EIPR1: variants seen among roughly 807,000 people sequenced by gnomAD.
EIPR1 encodes EARP complex and GARP complex interacting protein 1.
In EIPR1, 25 loss-of-function variants were observed where a neutral mutation model predicts 48.1. The observed-to-expected ratio is 0.52, with a 90% CI of 0.38 to 0.73. EIPR1 has a LOEUF of 0.73. EIPR1 is among the 30% of genes least tolerant of loss of function. The probability of loss-of-function intolerance (pLI) is 0.00; values close to 1 mark genes in which losing one functional copy is unlikely to be tolerated. For missense variants in EIPR1, 415 were observed against 506.2 expected (o/e 0.82, Z 1.73); for synonymous variants, 204 against 201.9 (o/e 1.01, Z -0.09).
At chr2:3,349,755 A>T (rs976089501) in intron 2 of EIPR1, among the ~76,000 whole-genome samples, 1 of 152,170 alleles carries the variant, frequency 6.6e-6, no homozygotes, top group African/African-American at 2.4e-5. Context: ...AGACAGGGCC[A>T]GAAAGCACAC....
intron 3 of EIPR1, among the ~76,000 whole-genome samples, chr2:3,316,903 T>A (rs1669319804): frequency 6.6e-6 from 1 of 152,236 alleles, no homozygotes; most frequent in Non-Finnish European, 1.5e-5. Context: ...GACCATGTGC[T>A]GTCAGGTACC....
intron 3 of EIPR1, among the ~76,000 whole-genome samples, chr2:3,294,842 C>G (rs1262047070): frequency 1.4e-5 from 2 of 144,362 alleles, no homozygotes; most frequent in African/African-American, 5.2e-5. Flanking sequence ...AGCCCATCCT[C>G]TCTCCACATA....
chr2:3,255,722 C>A (rs1425825432), intron 4 of EIPR1, among the ~76,000 whole-genome samples: 1 of 152,232 alleles, frequency 6.6e-6, no homozygotes, highest in Non-Finnish European at 1.5e-5. Context: ...ACATGCTAAC[C>A]TCCCTAACGT....
chr2:3,246,392 G>A lies in EIPR1; in HGVS notation c.416+10907C>T, dbSNP rs958601137. Among the ~76,000 whole-genome samples, 20 of 152,232 alleles carry A rather than the reference G, an allele frequency of 1.3e-4. No homozygotes were observed. In the South Asian group the frequency reaches 2.9e-3, roughly 22 times the overall value. On this transcript the variant is annotated intron_variant, in intron 4 of 8. Coordinates refer to ENST00000382125, the MANE Select transcript of EIPR1 (RefSeq NM_003310.5). ...GAACAAAATGCCCCCTGTGCCTGGCGGAGCCACACACACTGCTTTCCTTCC... is the reference window on the plus strand; with the variant it reads ...GAACAAAATGCCCCCTGTGCCTGGCAGAGCCACACACACTGCTTTCCTTCC...
At chr2:3,308,222 C>A (rs531250880) in intron 3 of EIPR1, among the ~76,000 whole-genome samples, 1 of 152,236 alleles carries the variant, frequency 6.6e-6, no homozygotes, top group Admixed American at 6.5e-5. Flanking sequence ...GAAATATGAC[C>A]CAGAGTTTCC....
chr2:3,279,056 C>T (rs1292311470), intron 3 of EIPR1, among the ~76,000 whole-genome samples: 2 of 152,182 alleles, frequency 1.3e-5, no homozygotes, highest in Non-Finnish European at 1.5e-5. Context: ...ACTCGACACC[C>T]ATGTTCTCAC....
At chr2:3,333,167 A>G (rs1325966867) in intron 3 of EIPR1, among the ~76,000 whole-genome samples, 1 of 152,236 alleles carries the variant, frequency 6.6e-6, no homozygotes, top group Non-Finnish European at 1.5e-5. Flanking sequence ...ATTTTAAAAA[A>G]TAAGTCACGA....
chr2:3,219,657 C>G (rs559240540), intron 4 of EIPR1, among the ~76,000 whole-genome samples: 3 of 107,522 alleles, frequency 2.8e-5, no homozygotes, highest in Admixed American at 9.7e-5. Context: ...CTGGTATATT[C>G]TAGAGCATTC....
At chr2:3,293,879 G>A (rs1370082972) in intron 3 of EIPR1, among the ~76,000 whole-genome samples, 1 of 152,148 alleles carries the variant, frequency 6.6e-6, no homozygotes, top group Non-Finnish European at 1.5e-5. Context: ...GTTCTGTGAA[G>A]CTACAGAAAC....
At chr2:3,199,969 C>G (rs1392760600) in intron 5 of EIPR1, among the ~76,000 whole-genome samples, 4 of 140,104 alleles carry the variant, frequency 2.9e-5, no homozygotes, top group Non-Finnish European at 6.2e-5. Context: ...GTGTCCACAT[C>G]TAGGTAGAGG....
chr2:3,234,627 T>C (rs1270487662), intron 4 of EIPR1, among the ~76,000 whole-genome samples: 1 of 152,258 alleles, frequency 6.6e-6, no homozygotes, highest in African/African-American at 2.4e-5. Context: ...TCACTCCTGT[T>C]GGGGTCCCCT....
intron 4 of EIPR1, among the ~76,000 whole-genome samples, chr2:3,248,643 G>A (rs1291412836): frequency 1.3e-5 from 2 of 152,176 alleles, no homozygotes; most frequent in African/African-American, 4.8e-5. Context: ...GTGGGCACCT[G>A]TAATCCCAGC....
At chr2:3,244,223 A>T (rs574778771) in intron 4 of EIPR1, among the ~76,000 whole-genome samples, 1 of 152,140 alleles carries the variant, frequency 6.6e-6, no homozygotes, top group African/African-American at 2.4e-5. Flanking sequence ...TCTAGGTAAA[A>T]TGTGCTGTCT....
At chr2:3,295,299 C>CT (rs1572407426) in intron 3 of EIPR1, among the ~76,000 whole-genome samples, 1 of 97,466 alleles carries the variant, frequency 1.0e-5, no homozygotes, top group Admixed American at 1.1e-4. Flanking sequence ...CGTCCTCTCT[C>CT]CACACACACC....
chr2:3,326,043 A>G (rs1230162004), intron 3 of EIPR1, among the ~76,000 whole-genome samples: 2 of 152,160 alleles, frequency 1.3e-5, no homozygotes, highest in African/African-American at 4.8e-5. Flanking sequence ...GCTGCTCCCC[A>G]GTGCAGAGGA....
rs117996501 is a variant in EIPR1 at position 3,237,782 on chromosome 2, C to T, written c.416+19517G>A. ...AGCCTTGGTTTCCGCTTCCGTCCAG[C>T]GGGGAGAATAGCAGTAAACTGACAT... is the stretch of plus-strand genomic sequence containing the variant. On this transcript the variant is annotated intron_variant, in intron 4 of 8. Coordinates refer to ENST00000382125, the MANE Select transcript of EIPR1 (RefSeq NM_003310.5). Among the ~76,000 whole-genome samples, 63 of 152,184 alleles carry T rather than the reference C, an allele frequency of 4.1e-4. 1 individual carries two copies. The East Asian group carries it at 8.3e-3, about 20-fold the overall frequency.
At chr2:3,300,090 T>G (rs1668722995) in intron 3 of EIPR1, among the ~76,000 whole-genome samples, 1 of 152,206 alleles carries the variant, frequency 6.6e-6, no homozygotes, top group Non-Finnish European at 1.5e-5. Flanking sequence ...CATATGAAAC[T>G]GCCATTCTTA....
intron 3 of EIPR1, among the ~76,000 whole-genome samples, chr2:3,295,359 T>C (rs1572407523): frequency 1.0e-4 from 7 of 66,968 alleles, no homozygotes; most frequent in Admixed American, 1.8e-4. Context: ...ATCCAGCCCA[T>C]CCTCTCTCTA....
intron 3 of EIPR1, among the ~76,000 whole-genome samples, chr2:3,264,301 A>T (rs1041798983): frequency 2.0e-5 from 3 of 152,176 alleles, no homozygotes; most frequent in Admixed American, 6.5e-5. Context: ...GCTGCTGCGG[A>T]TGGCAGGATT....
Sources: gnomAD v4.1 joint callset for allele counts (sites outside exome capture counted in the v4.1 genomes callset) on GRCh38, gnomAD v4.1.1 for gene constraint, MANE v1.5 for transcripts, NCBI Gene and HGNC (gene_info 2026-07-23, HGNC 2026-07-21) for gene names.